Variants in ADAMTSL2 observed in about 807,000 individuals in gnomAD.
ADAMTSL2 encodes ADAMTS-like protein 2.
A neutral mutation model predicts 117.0 loss-of-function variants in ADAMTSL2; 55 were observed. The ratio of observed to expected loss-of-function variants is 0.47; its 90% CI spans 0.38 to 0.59. ADAMTSL2 has a LOEUF of 0.59. Ranked by LOEUF, ADAMTSL2 falls within the 20% of genes least tolerant of loss-of-function variation. The pLI is 0.00. For synonymous variants in ADAMTSL2, 572 were observed against 566.4 expected (o/e 1.01, Z -0.14); for missense variants, 1,182 against 1,354.5 (o/e 0.87, Z 2.00).
chr9:133,533,912 C>CT (rs1247161933), upstream of ADAMTSL2, among the ~76,000 whole-genome samples: 1 of 152,186 alleles, frequency 6.6e-6, no homozygotes, highest in African/African-American at 2.4e-5. Flanking sequence ...GGTGCCCAGC[C>CT]TTGCTTTAGG....
chr9:133,538,786 C>A (rs578051663), intron 4 of ADAMTSL2, among the ~76,000 whole-genome samples: 1 of 152,294 alleles, frequency 6.6e-6, no homozygotes, highest in East Asian at 1.9e-4. Flanking sequence ...TGCCAGGCTT[C>A]CCCGTCCCAT....
chr9:133,534,238 C>G (rs1180589966), upstream of ADAMTSL2: 1 of 153,180 alleles, frequency 6.5e-6, no homozygotes, highest in Non-Finnish European at 1.5e-5. Context: ...CGGGAGCTTT[C>G]TGAGGCTCGT....
Position 133,575,149 on chromosome 9 carries a change from GCC to G in ADAMTSL2, c.*290_*291del. On this transcript the variant is annotated 3_prime_UTR_variant, in exon 19 of 19. Coordinates refer to ENST00000651351, the MANE Select transcript of ADAMTSL2 (RefSeq NM_014694.4). ...CTGTGTTTGTGGCTCCCACTCCCCA[GCC>G]CCCCAGCAGCCCCCAGCCGAGGGGC... 2.2e-6 allele frequency: 1 copy of G among 460,956 alleles called. No homozygotes were observed. The highest frequency in any genetic ancestry group is 4.0e-6 in the Non-Finnish European group (1 of 250,762). 28.6% of individuals were successfully genotyped at this position (460,956 alleles called of 1,614,324 possible). A position where few individuals can be genotyped will look rare whatever the true frequency, so the allele number is the denominator to read the frequency against.
At chr9:133,539,686 G>GTCCCGGCTGTCCCGGCTGGCCCGGCTGT in intron 4 of ADAMTSL2, 85 bp from the exon 5 acceptor site, 4 of 1,305,782 alleles carry the variant, frequency 3.1e-6, no homozygotes, top group Non-Finnish European at 4.3e-6. Flanking sequence ...TGTCCCGGCT[G>GTCCCGGCTGTCCCGGCTGGCCCGGCTGT]CAGCCACTTC....
Position 133,567,075 on chromosome 9 carries a change from AGGGGCCCTGGGCAG to A in ADAMTSL2, c.1874+18_1874+31del. 1 of 1,602,894 alleles carries A rather than the reference AGGGGCCCTGGGCAG, an allele frequency of 6.2e-7. No individual in the cohort carries two copies. The highest frequency in any genetic ancestry group is 1.3e-5 in the African/African-American group (1 of 75,018). ...AGTGCCAGCCCAGGTACCTGCCACC[AGGGGCCCTGGGCAG>A]GGGGTCGGCAGGGGGCGTGAGGGGC... On this transcript the variant is annotated intron_variant, in intron 13 of 18. Coordinates refer to ENST00000651351, the MANE Select transcript of ADAMTSL2 (RefSeq NM_014694.4).
At chr9:133,555,188 T>G (rs1830577394) in intron 10 of ADAMTSL2, among the ~76,000 whole-genome samples, 1 of 151,858 alleles carries the variant, frequency 6.6e-6, no homozygotes, top group Non-Finnish European at 1.5e-5. Context: ...TCGGTCCCCT[T>G]CTGATAAGGA....
chr9:133,563,076 C>T (rs1830784816), intron 12 of ADAMTSL2, among the ~76,000 whole-genome samples: 1 of 152,258 alleles, frequency 6.6e-6, no homozygotes, highest in Non-Finnish European at 1.5e-5. Context: ...GGGCAAATTG[C>T]CAAAGCCTTC....
chr9:133,541,120 C>T, intron 7 of ADAMTSL2, 119 bp downstream of exon 7: 1 of 1,420,730 alleles, frequency 7.0e-7, no homozygotes, highest in South Asian at 1.2e-5. Flanking sequence ...CCTCTAGGGG[C>T]ACCTGATTCA....
chr9:133,554,422 C>T lies in ADAMTSL2; in HGVS notation c.1005C>T (p.His335=), dbSNP rs904056906. 6.1e-5 allele frequency: 95 copies of T among 1,565,816 alleles called. 1 individual carries two copies. Among genetic ancestry groups the T allele is most frequent in the Admixed American group, 1.5e-4 (8 of 53,476 alleles). ...TFEYTLLQPP[H]ESRPQPIYYG... ...AGTACACGCTGCTGCAGCCGCCACA[C>T]GAGAGCCGCCCCCAGCCCATCTACT... Residue 335 remains histidine (H), a synonymous_variant, in exon 10 of 19, where the codon CAC becomes CAT. Coordinates refer to ENST00000651351, the MANE Select transcript of ADAMTSL2 (RefSeq NM_014694.4). This position sits in a 1 kb window ranked among gnomAD's most constrained non-coding sequence, Gnocchi z 5.2.
chr9:133,569,526 C>T lies in ADAMTSL2; in HGVS notation c.2363C>T (p.Pro788Leu), dbSNP rs1588310367. The T allele has an allele frequency of 6.2e-7, 1 of 1,606,638 alleles. No homozygotes were observed. Among genetic ancestry groups the T allele is most frequent in the South Asian group, 1.1e-5 (1 of 89,686 alleles). The change falls in exon 16 of 19, where the codon CCC becomes CTC. Residue 788 changes from proline (P) to leucine (L), a missense_variant. Pro to Leu is a moderately conservative substitution (Grantham distance 98). Coordinates refer to ENST00000651351, the MANE Select transcript of ADAMTSL2 (RefSeq NM_014694.4). Reference sequence around the variant, plus strand: ...GAGACCAAGCCTCTGGCCATCCACCCCTGTGGGGACAAAAACTGTCCCGCC... The same window carrying T: ...GAGACCAAGCCTCTGGCCATCCACCTCTGTGGGGACAAAAACTGTCCCGCC... ...QMETKPLAIH[P>L]CGDKNCPAHW...
intron 3 of ADAMTSL2, among the ~76,000 whole-genome samples, chr9:133,537,902 C>G (rs1009270578): frequency 2.6e-5 from 4 of 152,214 alleles, no homozygotes; most frequent in Non-Finnish European, 5.9e-5. Flanking sequence ...AAGCAGAGGA[C>G]TGGCAGGAAA....
At chr9:133,548,526 GT>G (rs1830407178) in intron 9 of ADAMTSL2, among the ~76,000 whole-genome samples, 4 of 152,082 alleles carry the variant, frequency 2.6e-5, no homozygotes. Context: ...TTGGGGGGCA[GT>G]GTCAGGAGCG....
chr9:133,544,701 G>T, intron 8 of ADAMTSL2, 151 bp downstream of exon 8: 1 of 771,104 alleles, frequency 1.3e-6, no homozygotes, highest in Non-Finnish European at 2.3e-6. Context: ...CAGAACTTGA[G>T]CCAGCTGTGT....
At chr9:133,564,615 A>G (rs1460128346) in intron 12 of ADAMTSL2, among the ~76,000 whole-genome samples, 8,863 of 61,384 alleles carry the variant, frequency 0.14, 1,193 homozygotes, top group African/African-American at 0.19. Flanking sequence ...AGGGAGAGAG[A>G]GAGAGAGAGG....
chr9:133,564,637 A>AGAGAGGGAGAGAGAGAGG (rs1372227374), intron 12 of ADAMTSL2, among the ~76,000 whole-genome samples: 1 of 24,190 alleles, frequency 4.1e-5, no homozygotes, highest in South Asian at 1.1e-3. Context: ...AGAGAGAGAG[A>AGAGAGGGAGAGAGAGAGG]GAGGGAGAGA....
intron 4 of ADAMTSL2, 68 bp downstream of exon 4, chr9:133,538,492 C>T: frequency 1.3e-6 from 2 of 1,563,946 alleles, no homozygotes; most frequent in Non-Finnish European, 1.8e-6. Context: ...TTCAGGGGGT[C>T]TTCCAGGTGG....
chr9:133,540,733 G>C lies in ADAMTSL2; in HGVS notation c.548G>C (p.Gly183Ala). 6.2e-7 allele frequency: 1 copy of C among 1,613,882 alleles called. No homozygotes were observed. ...GACCTGCGAGGGGTTTGCGTGTCTGGAAAATGTGAGGTTGTTAAACGTTGT... is the reference window on the plus strand; with the variant it reads ...GACCTGCGAGGGGTTTGCGTGTCTGCAAAATGTGAGGTTGTTAAACGTTGT... Reference protein sequence around the residue: ...LTDLRGVCVSGKCEPIGCDGV... With the variant: ...LTDLRGVCVSAKCEPIGCDGV... The change falls in exon 6 of 19, where the codon GGA becomes GCA. Residue 183 changes from glycine (G) to alanine (A), a missense_variant. Physicochemically the swap from Gly to Ala is moderately conservative, Grantham distance 60 (BLOSUM62 0). This residue lies in a region of ADAMTSL2 where 372 missense variants were observed against 463.4 expected (regional missense o/e 0.80). Coordinates refer to ENST00000651351, the MANE Select transcript of ADAMTSL2 (RefSeq NM_014694.4).
In ADAMTSL2 at chr9:133,534,722, C is replaced by G. The variant is rs1830006741; in HGVS notation, c.-346C>G. The G allele has an allele frequency of 1.4e-6, 2 of 1,380,920 alleles. No homozygotes were observed. The highest frequency in any genetic ancestry group is 3.5e-5 in the Admixed American group (1 of 28,768). 85.5% of individuals were successfully genotyped at this position (1,380,920 alleles called of 1,614,324 possible). On this transcript the variant is annotated 5_prime_UTR_variant, in exon 1 of 19. Coordinates refer to ENST00000651351, the MANE Select transcript of ADAMTSL2 (RefSeq NM_014694.4). ...AGCCGCCACTGGGCTGCGCCCCTCC[C>G]GGGAACCCCCTCTCTTGGATGCTCT...
chr9:133,560,867 G>T (rs1448370774), intron 11 of ADAMTSL2, among the ~76,000 whole-genome samples: 1 of 152,330 alleles, frequency 6.6e-6, no homozygotes, highest in East Asian at 1.9e-4. Context: ...AGAAGCCTGC[G>T]TGTGTGCAGG....
Sources: gnomAD v4.1 joint callset for allele counts (sites outside exome capture counted in the v4.1 genomes callset) on GRCh38, gnomAD v4.1.1 for gene constraint, gnomAD v4.1.1 regional missense constraint, Gnocchi (gnomAD v3.1) non-coding constraint, MANE v1.5 for transcripts, NCBI Gene and HGNC (gene_info 2026-07-23, HGNC 2026-07-21) for gene names.